Variants in TNPO3 observed in about 807,000 individuals in gnomAD.
The protein encoded by TNPO3 is transportin 3.
TNPO3 carries 65 observed loss-of-function variants against 122.8 expected under a neutral mutation model. The observed-to-expected ratio is 0.53, with a 90% CI of 0.43 to 0.65. The LOEUF (loss-of-function observed/expected upper bound fraction) is 0.65, where lower values mean the gene tolerates loss of function less well. Ranked by LOEUF, TNPO3 falls within the 30% of genes least tolerant of loss-of-function variation. The pLI is 0.00. For synonymous variants in TNPO3, 372 were observed against 411.2 expected (o/e 0.90, Z 1.15); for missense variants, 850 against 1,136.7 (o/e 0.75, Z 3.63).
chr7:129,052,945 G>T (rs564818839), intron 1 of TNPO3, among the ~76,000 whole-genome samples: 1 of 152,298 alleles, frequency 6.6e-6, no homozygotes, highest in African/African-American at 2.4e-5. Context: ...ATATGTGAAT[G>T]ATTTTCTTGT....
At chr7:129,034,142 C>G (rs1806283691) in intron 1 of TNPO3, among the ~76,000 whole-genome samples, 1 of 152,182 alleles carries the variant, frequency 6.6e-6, no homozygotes, top group South Asian at 2.1e-4. Flanking sequence ...GGACATTATA[C>G]TAAGTGAAAA....
chr7:128,991,129 T>C (rs1041222884), intron 10 of TNPO3, among the ~76,000 whole-genome samples: 1 of 152,176 alleles, frequency 6.6e-6, no homozygotes, highest in Non-Finnish European at 1.5e-5. Flanking sequence ...CACAGAAGGT[T>C]CAAAATGACA....
At chr7:129,053,359 A>C (rs1377692899) in intron 1 of TNPO3, among the ~76,000 whole-genome samples, 2 of 150,188 alleles carry the variant, frequency 1.3e-5, no homozygotes, top group African/African-American at 4.9e-5. Context: ...GTCGGGTGTC[A>C]GGGCAGGCAC....
At chr7:129,054,549 G>A in intron 1 of TNPO3, 102 bp downstream of exon 1, 1 of 1,536,180 alleles carries the variant, frequency 6.5e-7, no homozygotes, top group South Asian at 1.2e-5. Flanking sequence ...TCCCCAAGGA[G>A]GACCTCACGA....
intron 1 of TNPO3, among the ~76,000 whole-genome samples, chr7:129,018,593 A>G (rs902166053): frequency 1.3e-5 from 2 of 152,246 alleles, no homozygotes; most frequent in Non-Finnish European, 2.9e-5. Context: ...AGCTGTTTTA[A>G]TATATCTATA....
At chr7:129,016,330 G>A (rs1423023846) in intron 3 of TNPO3, among the ~76,000 whole-genome samples, 2 of 152,128 alleles carry the variant, frequency 1.3e-5, no homozygotes, top group Non-Finnish European at 2.9e-5. Context: ...GGAGGTGGAG[G>A]TTGCAGTGAG....
intron 1 of TNPO3, among the ~76,000 whole-genome samples, chr7:129,040,518 C>T (rs975481750): frequency 2.6e-5 from 4 of 151,932 alleles, no homozygotes; most frequent in African/African-American, 9.7e-5. Flanking sequence ...ATGTTATTTG[C>T]GATTACTTAA....
chr7:128,966,792 C>T (rs1387885709), intron 21 of TNPO3, among the ~76,000 whole-genome samples: 1 of 152,142 alleles, frequency 6.6e-6, no homozygotes, highest in Non-Finnish European at 1.5e-5. Context: ...TAATGTATCC[C>T]AGGCAGATGT....
At position 129,054,945 on chromosome 7, in the gene TNPO3, G is replaced by C; in HGVS notation, c.-175C>G. 1 of 756,326 alleles carries C rather than the reference G, an allele frequency of 1.3e-6. No homozygotes were observed. The highest frequency in any genetic ancestry group is 2.1e-6 in the Non-Finnish European group (1 of 476,798). The allele number at this position is 756,326 out of a possible 1,614,324, so 46.9% of individuals were successfully genotyped here. On this transcript the variant is annotated 5_prime_UTR_variant, in exon 1 of 23. Coordinates refer to ENST00000265388, the MANE Select transcript of TNPO3 (RefSeq NM_012470.4). ...GGCTCTCCGTGGAAGTTGCCCCCTC[G>C]GAAACAGCTATTAGGTCGTATTCAG...
chr7:129,032,047 C>T (rs1490613512), intron 1 of TNPO3, among the ~76,000 whole-genome samples: 1 of 149,954 alleles, frequency 6.7e-6, no homozygotes, highest in Non-Finnish European at 1.5e-5. Context: ...ACCTGGAATA[C>T]AAGGGTGGCT....
intron 4 of TNPO3, among the ~76,000 whole-genome samples, chr7:129,011,320 A>G (rs1383704863): frequency 2.0e-5 from 3 of 152,150 alleles, no homozygotes; most frequent in East Asian, 3.9e-4. Context: ...CAGATTGGAT[A>G]TTCTTTGTAA....
intron 9 of TNPO3, among the ~76,000 whole-genome samples, chr7:128,992,412 T>A (rs150598273): frequency 5.7e-4 from 87 of 152,238 alleles, no homozygotes; most frequent in African/African-American, 2.0e-3. Flanking sequence ...GATAAATACA[T>A]AAACACACTT....
chr7:128,958,833 G>C (rs930856613), intron 21 of TNPO3, among the ~76,000 whole-genome samples: 4 of 152,080 alleles, frequency 2.6e-5, no homozygotes, highest in African/African-American at 9.7e-5. Flanking sequence ...GGGAGACCCC[G>C]TCTCTACAAA....
chr7:128,976,336 A>G (rs554965227), intron 16 of TNPO3, among the ~76,000 whole-genome samples: 2 of 152,252 alleles, frequency 1.3e-5, no homozygotes. Flanking sequence ...AAACACCTTC[A>G]TCTTGGAGAA....
At chr7:129,009,592 G>A (rs1802960055) in intron 4 of TNPO3, among the ~76,000 whole-genome samples, 2 of 152,190 alleles carry the variant, frequency 1.3e-5, no homozygotes, top group African/African-American at 2.4e-5. Flanking sequence ...GCTAAGTCAG[G>A]CACGTGCCTT....
chr7:128,998,004 AT>A (rs71162546), intron 7 of TNPO3, among the ~76,000 whole-genome samples: 12,776 of 129,376 alleles, frequency 0.099, 691 homozygotes, highest in Admixed American at 0.13. Flanking sequence ...AGCTCAGCTA[AT>A]TTTTTTTTTT....
chr7:128,997,464 A>C lies in TNPO3; in HGVS notation c.1083T>G (p.Ile361Met). 1 of 1,614,190 alleles carries C rather than the reference A, an allele frequency of 6.2e-7. No individual in the cohort carries two copies. Among genetic ancestry groups the C allele is most frequent in the Non-Finnish European group, 8.5e-7 (1 of 1,179,974 alleles). The change falls in exon 8 of 23, where the codon ATT becomes ATG. Residue 361 changes from isoleucine (I) to methionine (M), a missense_variant. By Grantham distance (10) the Ile-to-Met change is conservative. Transcript: ENST00000265388. ...GAATGTAAGCTTTGAAGATGCCATGAATAACTTCATCGTTAGTTTTGTACA... is the reference window on the plus strand; with the variant it reads ...GAATGTAAGCTTTGAAGATGCCATGCATAACTTCATCGTTAGTTTTGTACA... Reference protein sequence around the residue: ...EHLYKTNDEVIHGIFKAYIQR... With the variant: ...EHLYKTNDEVMHGIFKAYIQR...
chr7:129,034,652 G>C (rs1435693901), intron 1 of TNPO3, among the ~76,000 whole-genome samples: 2 of 152,010 alleles, frequency 1.3e-5, no homozygotes, highest in African/African-American at 4.8e-5. Context: ...CACTTTGGGA[G>C]GCTGAGGCGG....
chr7:129,015,237 T>G, intron 3 of TNPO3, 102 bp from the exon 4 acceptor site: 1 of 1,172,342 alleles, frequency 8.5e-7, no homozygotes, highest in Non-Finnish European at 1.2e-6. Flanking sequence ...AAAGCAACAT[T>G]CCCACCACTG....
Sources: allele counts gnomAD v4.1 joint callset (sites outside exome capture counted in the v4.1 genomes callset), GRCh38; gene constraint gnomAD v4.1.1; transcripts MANE v1.5; gene names NCBI Gene and HGNC (gene_info 2026-07-23, HGNC 2026-07-21).